Variants in EPHA4 observed in about 807,000 individuals in gnomAD.
EPHA4 encodes the protein EPH receptor A4.
A neutral mutation model predicts 108.3 loss-of-function variants in EPHA4; 19 were observed. The observed-to-expected ratio is 0.18, with a 90% confidence interval of 0.12 to 0.26. EPHA4 has a LOEUF of 0.26. EPHA4 is among the 10% of genes least tolerant of loss of function. The probability of loss-of-function intolerance (pLI) is 1.00; values close to 1 mark genes in which losing one functional copy is unlikely to be tolerated. For missense variants in EPHA4, 917 were observed against 1,254.0 expected (o/e 0.73, Z 4.06); for synonymous variants, 449 against 455.5 (o/e 0.99, Z 0.18).
At chr2:221,572,015 C>T (rs1239207324) in intron 1 of EPHA4, 143 bp downstream of exon 1, 1 of 693,562 alleles carries the variant, frequency 1.4e-6, no homozygotes, top group Non-Finnish European at 2.5e-6. Flanking sequence ...CCGATCCCCT[C>T]GCCTCAGCCC....
At chr2:221,550,814 A>G (rs961792726) in intron 3 of EPHA4, among the ~76,000 whole-genome samples, 1 of 151,994 alleles carries the variant, frequency 6.6e-6, no homozygotes, top group African/African-American at 2.4e-5. Context: ...TTTTTCTACA[A>G]ATGCAAAGAG....
chr2:221,456,501 A>G, intron 7 of EPHA4, 112 bp downstream of exon 7: 1 of 1,067,212 alleles, frequency 9.4e-7, no homozygotes, highest in African/African-American at 1.6e-5. Context: ...TTGCAGCAAA[A>G]TGTCTGCTGA....
At chr2:221,462,884 T>G (rs943466465) in intron 5 of EPHA4, among the ~76,000 whole-genome samples, 1 of 152,236 alleles carries the variant, frequency 6.6e-6, no homozygotes, top group Non-Finnish European at 1.5e-5. Flanking sequence ...GTGTTGACAA[T>G]TTGCTCTGCA....
chr2:221,553,334 A>G (rs1694216085), intron 3 of EPHA4, among the ~76,000 whole-genome samples: 1 of 152,244 alleles, frequency 6.6e-6, no homozygotes, highest in Non-Finnish European at 1.5e-5. Flanking sequence ...CCTAATGAAG[A>G]ATCCACTGTG....
chr2:221,468,353 G>A (rs1382339034), intron 5 of EPHA4, among the ~76,000 whole-genome samples: 1 of 152,166 alleles, frequency 6.6e-6, no homozygotes, highest in Non-Finnish European at 1.5e-5. Context: ...TTACTGAGCA[G>A]AATACAGAAA....
intron 9 of EPHA4, among the ~76,000 whole-genome samples, chr2:221,445,727 A>G (rs1406247815): frequency 1.3e-5 from 2 of 152,130 alleles, no homozygotes; most frequent in Admixed American, 6.5e-5. Flanking sequence ...TCTATATCAC[A>G]TATAGCCATT....
chr2:221,501,480 T>C (rs1031434282), intron 3 of EPHA4: 4 of 255,304 alleles, frequency 1.6e-5, no homozygotes, highest in African/African-American at 8.9e-5. Flanking sequence ...ATACCCTTTA[T>C]ACACATTATG....
chr2:221,486,566 A>G (rs1246490726), intron 4 of EPHA4, among the ~76,000 whole-genome samples: 2 of 151,872 alleles, frequency 1.3e-5, no homozygotes, highest in Non-Finnish European at 2.9e-5. Flanking sequence ...CGTCTCTACT[A>G]AAAATACATA....
intron 8 of EPHA4, among the ~76,000 whole-genome samples, chr2:221,448,564 C>T (rs1345491158): frequency 6.6e-6 from 1 of 152,080 alleles, no homozygotes; most frequent in Admixed American, 6.6e-5. Context: ...CCCGTCCTTT[C>T]CCTTCTTTTA....
chr2:221,533,341 C>T (rs1173039910), intron 3 of EPHA4, among the ~76,000 whole-genome samples: 1 of 152,062 alleles, frequency 6.6e-6, no homozygotes. Flanking sequence ...GTTTGTGGAC[C>T]TTTGCTAATA....
chr2:221,431,753 T>A (rs1690083705), intron 14 of EPHA4, among the ~76,000 whole-genome samples: 1 of 152,188 alleles, frequency 6.6e-6, no homozygotes. Context: ...CTCAGACTGA[T>A]TAATGCTCTT....
intron 3 of EPHA4, among the ~76,000 whole-genome samples, chr2:221,521,296 G>A (rs553049582): frequency 4.6e-5 from 7 of 152,176 alleles, no homozygotes; most frequent in Admixed American, 6.5e-5. Context: ...CCAGTGCAAC[G>A]GGAGGATCTC....
intron 3 of EPHA4, among the ~76,000 whole-genome samples, chr2:221,538,131 G>A (rs1484340232): frequency 6.6e-6 from 1 of 152,216 alleles, no homozygotes. Flanking sequence ...AGTCTAAAAC[G>A]TAGTGGGATG....
At chr2:221,527,269 G>C (rs1693361628) in intron 3 of EPHA4, among the ~76,000 whole-genome samples, 1 of 152,194 alleles carries the variant, frequency 6.6e-6, no homozygotes. Context: ...TTCGGCTCTT[G>C]AGGCCTCTTC....
chr2:221,472,494 C>A (rs1229247907), intron 5 of EPHA4, among the ~76,000 whole-genome samples: 1 of 151,950 alleles, frequency 6.6e-6, no homozygotes, highest in Non-Finnish European at 1.5e-5. Flanking sequence ...CTATTTAGCA[C>A]CCACTGAGAA....
intron 3 of EPHA4, among the ~76,000 whole-genome samples, chr2:221,545,679 C>T (rs6716153): frequency 0.083 from 12,635 of 152,142 alleles, 734 homozygotes; most frequent in East Asian, 0.28. Flanking sequence ...ATAGATCAAG[C>T]CTAAAACTTA....
At chr2:221,444,387 C>T (rs3770191) in intron 9 of EPHA4, among the ~76,000 whole-genome samples, 59,334 of 151,854 alleles carry the variant, frequency 0.39, 12,141 homozygotes, top group African/African-American at 0.51. Context: ...TGTCCTGGCA[C>T]TTGCACCTCT....
chr2:221,445,109 G>A (rs916964799), intron 9 of EPHA4, among the ~76,000 whole-genome samples: 3 of 151,944 alleles, frequency 2.0e-5, no homozygotes, highest in African/African-American at 7.3e-5. Flanking sequence ...GTTACATGAG[G>A]CTATCTAAAT....
rs181859447 is a variant in EPHA4, at chr2:221,545,401, G to A, written c.823+18330C>T. On this transcript the variant is annotated intron_variant, in intron 3 of 17. Coordinates refer to ENST00000281821, the MANE Select transcript of EPHA4 (RefSeq NM_004438.5). ...GGAGAATGGTGTGAACCCAGGAGGC[G>A]GAGGTTGCAGTGAGCCGAGACTGCA... is the stretch of plus-strand genomic sequence containing the variant. Among the ~76,000 whole-genome samples, 260 of 152,120 alleles carry A rather than the reference G, an allele frequency of 1.7e-3. 1 individual carries two copies. The highest frequency in any genetic ancestry group is 6.8e-3 in the Middle Eastern group (2 of 294).
Sources: allele counts gnomAD v4.1 joint callset (sites outside exome capture counted in the v4.1 genomes callset), GRCh38; gene constraint gnomAD v4.1.1; transcripts MANE v1.5; gene names NCBI Gene and HGNC (gene_info 2026-07-23, HGNC 2026-07-21).